Variants in INVS observed in about 807,000 individuals in gnomAD.
The protein encoded by INVS is inversin, also known as inversion of embryo turning homolog.
INVS carries 86 observed loss-of-function variants against 108.8 expected under a neutral mutation model. That is an observed-to-expected ratio of 0.79 (90% CI 0.66 to 0.95). INVS has a LOEUF of 0.95. Among genes scored for constraint, INVS ranks in the 40% least tolerant of loss-of-function variants. The probability of loss-of-function intolerance (pLI) is 0.00; values close to 1 mark genes in which losing one functional copy is unlikely to be tolerated. For missense variants in INVS, 1,169 were observed against 1,297.4 expected (o/e 0.90, Z 1.52); for synonymous variants, 455 against 473.5 (o/e 0.96, Z 0.51).
At chr9:100,260,427 G>A (rs955921999) in intron 10 of INVS, among the ~76,000 whole-genome samples, 2 of 151,844 alleles carry the variant, frequency 1.3e-5, no homozygotes, top group Admixed American at 1.3e-4. Context: ...TCCTGACCTC[G>A]TGATCCACCC....
At chr9:100,187,616 T>A (rs1057083670) in intron 3 of INVS, among the ~76,000 whole-genome samples, 55 of 141,398 alleles carry the variant, frequency 3.9e-4, no homozygotes, top group African/African-American at 1.4e-3. Flanking sequence ...AACCTCCGCC[T>A]CCCAGGTTCA....
chr9:100,182,422 A>G (rs1338262148), intron 3 of INVS, among the ~76,000 whole-genome samples: 2 of 152,208 alleles, frequency 1.3e-5, no homozygotes, highest in Non-Finnish European at 2.9e-5. Flanking sequence ...CAAGAAAAAA[A>G]CAACCCCATC....
At chr9:100,294,139 G>A (rs563228327) in intron 14 of INVS, among the ~76,000 whole-genome samples, 1 of 152,306 alleles carries the variant, frequency 6.6e-6, no homozygotes, top group East Asian at 1.9e-4. Flanking sequence ...CAGAACTCCA[G>A]CCTGGGCGAC....
intron 3 of INVS, among the ~76,000 whole-genome samples, chr9:100,178,712 ACT>A (rs1350246869): frequency 6.6e-6 from 1 of 152,150 alleles, no homozygotes; most frequent in Non-Finnish European, 1.5e-5. Context: ...ATTGGAAAAC[ACT>A]CTTCAGGATA....
At chr9:100,216,503 C>G (rs1830992522) in intron 3 of INVS, among the ~76,000 whole-genome samples, 1 of 152,278 alleles carries the variant, frequency 6.6e-6, no homozygotes, top group Non-Finnish European at 1.5e-5. Flanking sequence ...GTGCTTTGTC[C>G]TCAATGTCAA....
At chr9:100,222,267 T>A (rs1831174901) in intron 3 of INVS, among the ~76,000 whole-genome samples, 1 of 152,204 alleles carries the variant, frequency 6.6e-6, no homozygotes, top group African/African-American at 2.4e-5. Flanking sequence ...TCTAAGAACT[T>A]TTACAAATAT....
At chr9:100,261,641 T>G (rs1473736936) in intron 10 of INVS, among the ~76,000 whole-genome samples, 1 of 152,230 alleles carries the variant, frequency 6.6e-6, no homozygotes, top group Non-Finnish European at 1.5e-5. Context: ...AGTAGAATAT[T>G]AAGCATCTTT....
intron 13 of INVS, among the ~76,000 whole-genome samples, chr9:100,290,982 GGCCCAC>G (rs1460786229): frequency 6.6e-6 from 1 of 152,142 alleles, no homozygotes; most frequent in East Asian, 1.9e-4. Context: ...CAAGGTGCTG[GGCCCAC>G]TGCACCCAGC....
At chr9:100,235,433 C>G (rs141185460) in intron 5 of INVS, among the ~76,000 whole-genome samples, 1 of 152,030 alleles carries the variant, frequency 6.6e-6, no homozygotes, top group African/African-American at 2.4e-5. Flanking sequence ...TTATTTTGTA[C>G]GCTAGTTGAT....
At chr9:100,172,171 G>A (rs1310202918) in intron 3 of INVS, among the ~76,000 whole-genome samples, 4 of 151,956 alleles carry the variant, frequency 2.6e-5, no homozygotes, top group Non-Finnish European at 5.9e-5. Flanking sequence ...AAACACTTAG[G>A]TAACAGTTCT....
intron 3 of INVS, among the ~76,000 whole-genome samples, chr9:100,189,869 C>T (rs959458454): frequency 1.8e-4 from 28 of 151,896 alleles, no homozygotes; most frequent in African/African-American, 5.1e-4. Flanking sequence ...GGATTACAGG[C>T]GTGAGCCACT....
intron 3 of INVS, among the ~76,000 whole-genome samples, chr9:100,155,210 C>CA (rs1238068161): frequency 3.2e-3 from 262 of 81,994 alleles, no homozygotes; most frequent in Middle Eastern, 9.3e-3. Context: ...GACTCCATCT[C>CA]AAAAAAAAAA....
intron 3 of INVS, among the ~76,000 whole-genome samples, chr9:100,161,388 A>AAAACAAAAAAAAAAC (rs1564138798): frequency 7.9e-5 from 11 of 139,090 alleles, no homozygotes; most frequent in African/African-American, 1.8e-4. Context: ...AAAAAAAAAA[A>AAAACAAAAAAAAAAC]AAAACCTCAT....
At chr9:100,100,722 G>A (rs184660862) in intron 1 of INVS, among the ~76,000 whole-genome samples, 3,637 of 15,750 alleles carry the variant, frequency 0.23, 1,053 homozygotes, top group Non-Finnish European at 0.31. Flanking sequence ...TATATTATAT[G>A]TACATATAAT....
chr9:100,246,934 G>T (rs75465433), intron 8 of INVS, 147 bp downstream of exon 8: 2 of 766,136 alleles, frequency 2.6e-6, no homozygotes, highest in African/African-American at 3.5e-5. Context: ...GTTTGGGTTT[G>T]CCAGGATGTC....
At chr9:100,179,864 TTA>T (rs1829828164) in intron 3 of INVS, among the ~76,000 whole-genome samples, 1 of 152,166 alleles carries the variant, frequency 6.6e-6, no homozygotes, top group African/African-American at 2.4e-5. Flanking sequence ...CACATTGCAC[TTA>T]TTCTAAAATT....
At chr9:100,134,813 T>C (rs1367254111) in intron 3 of INVS, among the ~76,000 whole-genome samples, 2 of 152,170 alleles carry the variant, frequency 1.3e-5, no homozygotes, top group Non-Finnish European at 2.9e-5. Context: ...AGTAGCTAAA[T>C]TGTGATGTAT....
intron 12 of INVS, among the ~76,000 whole-genome samples, chr9:100,279,106 C>G (rs1293130447): frequency 2.0e-5 from 3 of 152,108 alleles, no homozygotes; most frequent in African/African-American, 7.2e-5. Context: ...AAATAGTTGA[C>G]GTTAATTTGT....
At chr9:100,139,483 T>C (rs1828350501) in intron 3 of INVS, among the ~76,000 whole-genome samples, 1 of 152,244 alleles carries the variant, frequency 6.6e-6, no homozygotes, top group Non-Finnish European at 1.5e-5. Context: ...TCCAGACTTA[T>C]ATTTCCAGCT....
Sources: allele counts gnomAD v4.1 joint callset (sites outside exome capture counted in the v4.1 genomes callset), GRCh38; gene constraint gnomAD v4.1.1; transcripts MANE v1.5; gene names NCBI Gene and HGNC (gene_info 2026-07-23, HGNC 2026-07-21).